APPBP2: variants seen among roughly 807,000 people sequenced by gnomAD.
APPBP2 encodes amyloid protein-binding protein 2.
APPBP2 carries 15 observed loss-of-function variants against 76.0 expected under a neutral mutation model. The ratio of observed to expected loss-of-function variants is 0.20; its 90% CI spans 0.13 to 0.30. The LOEUF (loss-of-function observed/expected upper bound fraction) is 0.30, where lower values mean the gene tolerates loss of function less well. APPBP2 is among the 10% of genes least tolerant of loss of function. The pLI is 1.00. For synonymous variants in APPBP2, 222 were observed against 242.2 expected, an observed-to-expected ratio of 0.92 and a Z score of 0.77; for missense variants, 401 against 687.2, an observed-to-expected ratio of 0.58 and a Z score of 4.66.
At chr17:60,456,005 T>C (rs2090428363) in intron 10 of APPBP2, among the ~76,000 whole-genome samples, 1 of 152,208 alleles carries the variant, frequency 6.6e-6, no homozygotes, top group South Asian at 2.1e-4. Context: ...CTCAAACTTC[T>C]GACCTCAGGT....
At chr17:60,499,610 C>T (rs530150019) in intron 2 of APPBP2, among the ~76,000 whole-genome samples, 10 of 152,160 alleles carry the variant, frequency 6.6e-5, no homozygotes, top group Non-Finnish European at 1.2e-4. Context: ...GATATTTCTA[C>T]GCTCATGTTC....
rs2090333250 is a variant in APPBP2 at position 60,444,897 on chromosome 17, C to CT, written c.*2683dup. ...AACTTTGCTGAACCTCCAGAAAAAT[C>CT]TTTAAGTTGGCCAGGGCTTCCTTAC... On this transcript the variant is annotated 3_prime_UTR_variant, in exon 13 of 13. Coordinates refer to ENST00000083182, the MANE Select transcript of APPBP2 (RefSeq NM_006380.5). 2 of 152,332 alleles carry CT rather than the reference C, an allele frequency of 1.3e-5. No homozygotes were observed. Among genetic ancestry groups the CT allele is most frequent in the South Asian group, 2.1e-4 (1 of 4,822 alleles). The allele number at this position is 152,332 out of a possible 1,614,324, so 9.4% of individuals were successfully genotyped here. A position where few individuals can be genotyped will look rare whatever the true frequency, so the allele number is the denominator to read the frequency against.
intron 1 of APPBP2, among the ~76,000 whole-genome samples, chr17:60,506,946 G>C (rs901391366): frequency 6.6e-6 from 1 of 152,152 alleles, no homozygotes; most frequent in Non-Finnish European, 1.5e-5. Flanking sequence ...TGAGGCAGGA[G>C]AATCTCTTGA....
intron 1 of APPBP2, among the ~76,000 whole-genome samples, chr17:60,525,001 T>C (rs1434510933): frequency 1.3e-5 from 2 of 152,204 alleles, no homozygotes; most frequent in Admixed American, 6.5e-5. Flanking sequence ...CACTTACCCT[T>C]GAAACTCCTT....
intron 3 of APPBP2, among the ~76,000 whole-genome samples, chr17:60,492,405 C>T (rs2090737197): frequency 6.6e-6 from 1 of 152,188 alleles, no homozygotes; most frequent in Non-Finnish European, 1.5e-5. Flanking sequence ...GGCAGATCCA[C>T]TGAAAGCTTG....
chr17:60,455,317 C>T (rs189135820), intron 10 of APPBP2, among the ~76,000 whole-genome samples: 1 of 152,192 alleles, frequency 6.6e-6, no homozygotes, highest in Non-Finnish European at 1.5e-5. Flanking sequence ...AAAATGTTGA[C>T]TGAGGATTGG....
intron 4 of APPBP2, among the ~76,000 whole-genome samples, chr17:60,471,710 T>A (rs1434900562): frequency 6.6e-6 from 1 of 152,226 alleles, no homozygotes; most frequent in African/African-American, 2.4e-5. Context: ...TCTATTAGAT[T>A]TGATTTGCTA....
intron 2 of APPBP2, among the ~76,000 whole-genome samples, chr17:60,494,964 AGTTTTT>A (rs1350062801): frequency 0.082 from 12,310 of 150,100 alleles, 1,665 homozygotes; most frequent in African/African-American, 0.28. Context: ...AAGATAGAAG[AGTTTTT>A]TTTGTTTTGT....
intron 2 of APPBP2, among the ~76,000 whole-genome samples, chr17:60,495,667 A>C (rs1451958130): frequency 2.6e-5 from 4 of 152,060 alleles, no homozygotes; most frequent in Middle Eastern, 3.4e-3. Context: ...TCATGAGGTG[A>C]AAAAACGGGA....
intron 1 of APPBP2, among the ~76,000 whole-genome samples, chr17:60,521,059 T>C (rs1351305899): frequency 4.6e-5 from 7 of 152,104 alleles, no homozygotes. Flanking sequence ...GATTCCTGAG[T>C]AGCTAGGATG....
At position 60,454,498 on chromosome 17, in the gene APPBP2, AAAG is replaced by A. The variant is rs1169169131; in HGVS notation, c.1148-9_1148-7del. On this transcript the variant is annotated splice_polypyrimidine_tract_variant and splice_region_variant and intron_variant, in intron 10 of 12. Transcript: ENST00000083182. ...AATCTCCTCTAAAATAAGTGCTAAA[AAAG>A]AAGGCAATAAATTAGTGTACTTCAA... 1.9e-6 allele frequency: 3 copies of A among 1,576,942 alleles called. No homozygotes were observed. Among genetic ancestry groups the A allele is most frequent in the East Asian group, 4.5e-5 (2 of 44,108 alleles).
intron 11 of APPBP2, among the ~76,000 whole-genome samples, chr17:60,454,060 C>A (rs113756782): frequency 8.0e-4 from 121 of 151,954 alleles, no homozygotes; most frequent in African/African-American, 2.6e-3. Context: ...ACAGGGTCTC[C>A]CTATGTTGTC....
At position 60,466,430 on chromosome 17, in the gene APPBP2, T is replaced by G; in HGVS notation, c.533A>C (p.Lys178Thr). Residue 178 changes from lysine to threonine, a missense_variant, in exon 5 of 13, where the codon AAA becomes ACA. Lys to Thr is a moderately conservative substitution (Grantham distance 78, BLOSUM62 -1). Coordinates refer to ENST00000083182, the MANE Select transcript of APPBP2 (RefSeq NM_006380.5). The stretch of plus-strand genomic sequence containing the variant: ...AAATGTTTCTTCACCCAAATGATAT[T>G]TGCAGTTTCCATTTCGCACATGAAG... Reference protein sequence around the residue: ...RLLHVRNGNCKYHLGEETFKL... With the variant: ...RLLHVRNGNCTYHLGEETFKL... 6.2e-7 allele frequency: 1 copy of G among 1,613,246 alleles called. No homozygotes were observed. Among genetic ancestry groups the G allele is most frequent in the South Asian group, 1.1e-5 (1 of 91,060 alleles).
intron 6 of APPBP2, 106 bp downstream of exon 6, chr17:60,463,915 T>C (rs2090492562): frequency 1.4e-6 from 1 of 722,596 alleles, no homozygotes; most frequent in South Asian, 2.2e-5. Flanking sequence ...GACCTATGCC[T>C]ACGGAGTGTA....
chr17:60,479,367 A>C (rs1373226725), intron 3 of APPBP2, 96 bp from the exon 4 acceptor site: 1 of 1,252,306 alleles, frequency 8.0e-7, no homozygotes, highest in African/African-American at 1.5e-5. Context: ...AATTAAAAAT[A>C]AACCATGATA....
chr17:60,487,362 T>G (rs939980289), intron 3 of APPBP2, among the ~76,000 whole-genome samples: 10 of 151,240 alleles, frequency 6.6e-5, no homozygotes, highest in Non-Finnish European at 1.5e-4. Context: ...TTTCACATAG[T>G]CCTGTATTTC....
At chr17:60,486,259 C>T (rs6503973) in intron 3 of APPBP2, among the ~76,000 whole-genome samples, 12,503 of 152,104 alleles carry the variant, frequency 0.082, 1,697 homozygotes, top group African/African-American at 0.28. Context: ...CCTTGTTAAC[C>T]TTCTGTCTCA....
chr17:60,448,962 G>A (rs1203389267), intron 12 of APPBP2, among the ~76,000 whole-genome samples: 1 of 152,128 alleles, frequency 6.6e-6, no homozygotes, highest in Non-Finnish European at 1.5e-5. Context: ...AAACAAAGAT[G>A]GATGGGGCAA....
chr17:60,457,558 G>C (rs1320364739), intron 9 of APPBP2, among the ~76,000 whole-genome samples: 1 of 151,858 alleles, frequency 6.6e-6, no homozygotes, highest in Non-Finnish European at 1.5e-5. Context: ...TCCCGGATAG[G>C]TGGGTTACAG....
Sources: allele counts gnomAD v4.1 joint callset (sites outside exome capture counted in the v4.1 genomes callset), GRCh38; gene constraint gnomAD v4.1.1; transcripts MANE v1.5; gene names NCBI Gene and HGNC (gene_info 2026-07-23, HGNC 2026-07-21).